GABRG3: variants seen among roughly 807,000 people sequenced by gnomAD.
The protein encoded by GABRG3 is gamma-aminobutyric acid receptor subunit gamma-3.
In GABRG3, 25 loss-of-function variants were observed where a neutral mutation model predicts 48.8. That is an observed-to-expected ratio of 0.51 (90% CI 0.37 to 0.72). The LOEUF (loss-of-function observed/expected upper bound fraction) is 0.72. GABRG3 is among the 30% of genes least tolerant of loss of function. The probability of loss-of-function intolerance (pLI) is 0.00; values close to 1 mark genes in which losing one functional copy is unlikely to be tolerated. For missense variants in GABRG3, 394 were observed against 577.9 expected (o/e 0.68, Z 3.26); for synonymous variants, 227 against 217.6 (o/e 1.04, Z -0.38).
intron 3 of GABRG3, among the ~76,000 whole-genome samples, chr15:27,188,496 C>A (rs1888176770): frequency 6.6e-6 from 1 of 151,934 alleles, no homozygotes; most frequent in Non-Finnish European, 1.5e-5. Context: ...AGCATTTTTT[C>A]ATGTGTTTTT....
At chr15:27,007,327 A>G (rs960703482) in intron 2 of GABRG3, among the ~76,000 whole-genome samples, 14 of 152,206 alleles carry the variant, frequency 9.2e-5, no homozygotes, top group African/African-American at 3.4e-4. Context: ...GTCAGCCTGC[A>G]TCAGCCTCTC....
rs115347088 is a variant in GABRG3, at chr15:27,080,935, C to T, written c.270+54114C>T. Among the ~76,000 whole-genome samples the T allele has an allele frequency of 4.4e-3, 676 of 152,290 alleles. 8 individuals are homozygous for T. Among genetic ancestry groups the T allele is most frequent in the African/African-American group, 0.015 (637 of 41,568 alleles). ...CACCATAGAAACCAGGCAAGCTAGC[C>T]TGCTGGTGGGGGTGGTGGTGGGGAG... On this transcript the variant is annotated intron_variant, in intron 3 of 9. Coordinates refer to ENST00000615808, the MANE Select transcript of GABRG3 (RefSeq NM_033223.5).
chr15:27,375,842 C>T (rs549292794), intron 5 of GABRG3, among the ~76,000 whole-genome samples: 58 of 152,232 alleles, frequency 3.8e-4, no homozygotes, highest in African/African-American at 1.2e-3. Flanking sequence ...CTAGCCCCTC[C>T]GAAATCTCAT....
chr15:27,066,573 A>G (rs17562513), intron 3 of GABRG3, among the ~76,000 whole-genome samples: 35,974 of 152,148 alleles, frequency 0.24, 4,392 homozygotes, highest in Middle Eastern at 0.27. Flanking sequence ...TCAGGCCACC[A>G]GAAGGACTTT....
chr15:27,278,042 A>T (rs986775466), intron 3 of GABRG3, among the ~76,000 whole-genome samples: 1 of 151,148 alleles, frequency 6.6e-6, no homozygotes, highest in South Asian at 2.1e-4. Flanking sequence ...GTGTGTCTGT[A>T]TATAGCTCGA....
In GABRG3 at chr15:27,308,167, T is replaced by TGTTTATATATCCAAACATATATAAAC. The variant is rs1595663888; in HGVS notation, c.271-18642_271-18641insGTTTATATATCCAAACATATATAAAC. ...ATACATCCAAACATATATAAACATA[T>TGTTTATATATCCAAACATATATAAAC]ATGTTTATATATCCAAACATATATA... On this transcript the variant is annotated intron_variant, in intron 3 of 9. Transcript: ENST00000615808. Among the ~76,000 whole-genome samples the TGTTTATATATCCAAACATATATAAAC allele has an allele frequency of 5.6e-4, 12 of 21,290 alleles. 2 individuals carry two copies. In the East Asian group the frequency reaches 0.016, roughly 28 times the overall value. The allele number at this position is 21,290 out of a possible 152,430, so 14.0% of individuals were successfully genotyped here.
chr15:27,307,019 T>TATATATAAAC (rs1460558041), intron 3 of GABRG3, among the ~76,000 whole-genome samples: 4 of 118,006 alleles, frequency 3.4e-5, no homozygotes, highest in Non-Finnish European at 4.9e-5. Flanking sequence ...TAAACATGTT[T>TATATATAAAC]ATATATAAAC....
At chr15:27,332,844 A>G (rs933569543) in intron 5 of GABRG3, among the ~76,000 whole-genome samples, 1 of 152,194 alleles carries the variant, frequency 6.6e-6, no homozygotes, top group African/African-American at 2.4e-5. Flanking sequence ...CATTTACTAT[A>G]TAACATGTTT....
chr15:27,218,924 G>A (rs1182370628), intron 3 of GABRG3, among the ~76,000 whole-genome samples: 2 of 152,138 alleles, frequency 1.3e-5, no homozygotes, highest in East Asian at 1.9e-4. Context: ...GTGAATCACA[G>A]AGTAATGAGG....
intron 3 of GABRG3, chr15:27,271,703 A>C: frequency 2.2e-6 from 1 of 445,694 alleles, no homozygotes. Context: ...TGGCTGGCAC[A>C]GCGCCAGAGG....
chr15:27,389,583 G>C (rs1896159504), intron 5 of GABRG3, among the ~76,000 whole-genome samples: 1 of 152,156 alleles, frequency 6.6e-6, no homozygotes, highest in Non-Finnish European at 1.5e-5. Flanking sequence ...CACTATACAT[G>C]CCTGATGTTT....
chr15:27,281,977 A>G (rs951758724), intron 3 of GABRG3, among the ~76,000 whole-genome samples: 7 of 152,068 alleles, frequency 4.6e-5, no homozygotes, highest in African/African-American at 1.7e-4. Flanking sequence ...TTCATTCCTA[A>G]AGACATTATT....
chr15:27,008,790 G>A (rs1202407113), intron 2 of GABRG3, among the ~76,000 whole-genome samples: 3 of 152,132 alleles, frequency 2.0e-5, no homozygotes, highest in African/African-American at 4.8e-5. Context: ...TTTCAGGGTC[G>A]CCGTGAGCGG....
At chr15:27,439,087 C>T (rs1375629339) in intron 5 of GABRG3, among the ~76,000 whole-genome samples, 3 of 152,132 alleles carry the variant, frequency 2.0e-5, no homozygotes, top group Admixed American at 1.3e-4. Flanking sequence ...CTTTCTCCTC[C>T]TCCTCTCTAC....
chr15:27,068,674 T>C (rs1344493111), intron 3 of GABRG3, among the ~76,000 whole-genome samples: 1 of 152,228 alleles, frequency 6.6e-6, no homozygotes, highest in Non-Finnish European at 1.5e-5. Flanking sequence ...AAATGCCTCA[T>C]TTCCTTACAT....
At chr15:27,424,644 C>A (rs1888235680) in intron 5 of GABRG3, among the ~76,000 whole-genome samples, 1 of 151,220 alleles carries the variant, frequency 6.6e-6, no homozygotes, top group Non-Finnish European at 1.5e-5. Flanking sequence ...ACCTCTATCT[C>A]CCAGGTTCAA....
intron 3 of GABRG3, among the ~76,000 whole-genome samples, chr15:27,320,244 G>A (rs1893374471): frequency 6.6e-6 from 1 of 152,148 alleles, no homozygotes; most frequent in Admixed American, 6.5e-5. Flanking sequence ...TTTCTCCTCT[G>A]ACATCCCCTG....
At chr15:27,474,665 G>T (rs573360796) in intron 5 of GABRG3, among the ~76,000 whole-genome samples, 22 of 152,242 alleles carry the variant, frequency 1.4e-4, no homozygotes, top group Non-Finnish European at 3.1e-4. Context: ...GCCCTGCAAA[G>T]AACAAAAGTG....
chr15:27,219,489 C>T (rs1267774881), intron 3 of GABRG3, among the ~76,000 whole-genome samples: 1 of 152,204 alleles, frequency 6.6e-6, no homozygotes, highest in South Asian at 2.1e-4. Flanking sequence ...AGCTCCTGCA[C>T]CTGTGATGGG....
Sources: allele counts gnomAD v4.1 joint callset (sites outside exome capture counted in the v4.1 genomes callset), GRCh38; gene constraint gnomAD v4.1.1; transcripts MANE v1.5; gene names NCBI Gene and HGNC (gene_info 2026-07-23, HGNC 2026-07-21).